Variants in RTL9 observed in about 807,000 individuals in gnomAD.
RTL9 encodes retrotransposon Gag-like protein 9.
In RTL9, 19 loss-of-function variants were observed where a neutral mutation model predicts 44.7. The observed-to-expected ratio is 0.42, with a 90% confidence interval of 0.30 to 0.62. RTL9 has a LOEUF of 0.62. Ranked by LOEUF, RTL9 falls within the 20% of genes least tolerant of loss-of-function variation. RTL9 has a pLI of 0.16. For synonymous variants in RTL9, 407 were observed against 398.9 expected, an observed-to-expected ratio of 1.02 and a Z score of -0.24; for missense variants, 1,105 against 1,080.6, an observed-to-expected ratio of 1.02 and a Z score of -0.32.
Position 110,364,527 on chromosome X carries a change from C to T in RTL9, c.-168+5611C>T, listed in dbSNP as rs181920850. On this transcript the variant is annotated intron_variant, in intron 1 of 2. Transcript: ENST00000520821. Reference sequence around the variant, plus strand: ...TTTGGTTTCCTAAGTAGATTTCCTACTGGGATTTATCAAGATGAATTAATA... The same window carrying T: ...TTTGGTTTCCTAAGTAGATTTCCTATTGGGATTTATCAAGATGAATTAATA... Among the ~76,000 whole-genome samples, 228 of 111,756 alleles carry T rather than the reference C, an allele frequency of 2.0e-3. 1 individual carries two copies. The highest frequency in any genetic ancestry group is 6.7e-3 in the African/African-American group (206 of 30,772).
At chrX:110,376,091 G>T (rs1353794463) in intron 1 of RTL9, among the ~76,000 whole-genome samples, 2 of 111,306 alleles carry the variant, frequency 1.8e-5, no homozygotes, top group Non-Finnish European at 3.8e-5. Context: ...ATGGTAAGGT[G>T]GTTTCAGAAC....
chrX:110,380,882 T>A (rs906490101), intron 1 of RTL9, among the ~76,000 whole-genome samples: 2 of 112,515 alleles, frequency 1.8e-5, no homozygotes, highest in Non-Finnish European at 3.8e-5. Context: ...CTGGGATAAC[T>A]GGCATATGCA....
intron 1 of RTL9, among the ~76,000 whole-genome samples, chrX:110,408,678 G>T (rs1164545481): frequency 3.6e-5 from 4 of 112,202 alleles, no homozygotes; most frequent in African/African-American, 1.3e-4. Flanking sequence ...CAACAATTGT[G>T]ATGTTGCTTT....
chrX:110,411,710 T>C (rs373781025), intron 1 of RTL9, among the ~76,000 whole-genome samples: 12 of 112,194 alleles, frequency 1.1e-4, no homozygotes, highest in African/African-American at 3.6e-4. Context: ...AAGACAATGG[T>C]TTATTATTCA....
At chrX:110,429,436 C>T (rs764234412) in intron 1 of RTL9, among the ~76,000 whole-genome samples, 1 of 108,860 alleles carries the variant, frequency 9.2e-6, no homozygotes, top group East Asian at 2.8e-4. Flanking sequence ...ATCTATAAAA[C>T]GATGATACTT....
At position 110,405,050 on chromosome X, in the gene RTL9, G is replaced by A. The variant is rs778620880; in HGVS notation, c.-167-40103G>A. 8.6e-5 allele frequency among the ~76,000 whole-genome samples: 9 copies of A among 104,495 alleles called. No homozygotes were observed. In the South Asian group the frequency reaches 4.0e-3, roughly 47 times the overall value. 90.7% of individuals were successfully genotyped at this position (104,495 alleles called of 115,157 possible). On this transcript the variant is annotated intron_variant, in intron 1 of 2. Coordinates refer to the RTL9 transcript ENST00000520821. ...GAGATTCAGAGATACGCTTTTGTCA[G>A]TTAAATTCGAAAAATATATTCAGGT...
At chrX:110,359,409 C>T (rs1341712238) in intron 1 of RTL9, among the ~76,000 whole-genome samples, 2 of 111,302 alleles carry the variant, frequency 1.8e-5, no homozygotes, top group African/African-American at 3.3e-5. Context: ...CTCTTTTCAT[C>T]TGCCAAATAT....
At chrX:110,409,665 C>T (rs2148307065) in intron 1 of RTL9, among the ~76,000 whole-genome samples, 1 of 109,864 alleles carries the variant, frequency 9.1e-6, no homozygotes, top group African/African-American at 3.3e-5. Flanking sequence ...TTTTCACTCC[C>T]CTGATCCCAT....
rs188346594 is a variant in RTL9 at position 110,405,132 on chromosome X, T to C, written c.-167-40021T>C. On this transcript the variant is annotated intron_variant, in intron 1 of 2. Coordinates refer to the RTL9 transcript ENST00000520821. ...TGAGTCAGAGCCTTTCATGGGGTTT[T>C]GTGTAAATGTATTTTCTAAGAGGTG... 4.2e-3 allele frequency among the ~76,000 whole-genome samples: 422 copies of C among 100,835 alleles called. 4 individuals are homozygous for C. Among genetic ancestry groups the C allele is most frequent in the Non-Finnish European group, 6.6e-3 (329 of 49,826 alleles). 87.6% of individuals were successfully genotyped at this position (100,835 alleles called of 115,157 possible). A position where few individuals can be genotyped will look rare whatever the true frequency, so the allele number is the denominator to read the frequency against.
chrX:110,364,762 T>C (rs1002865292), intron 1 of RTL9, among the ~76,000 whole-genome samples: 2 of 111,929 alleles, frequency 1.8e-5, no homozygotes, highest in Non-Finnish European at 3.8e-5. Flanking sequence ...TTACTATATA[T>C]GTGACCATAA....
chrX:110,385,043 G>T (rs991414170), intron 1 of RTL9, among the ~76,000 whole-genome samples: 10 of 111,125 alleles, frequency 9.0e-5, no homozygotes, highest in Non-Finnish European at 1.5e-4. Flanking sequence ...AATAACAAGT[G>T]TTGACTATTC....
At chrX:110,402,986 G>A (rs1461256356) in intron 1 of RTL9, among the ~76,000 whole-genome samples, 1 of 111,972 alleles carries the variant, frequency 8.9e-6, no homozygotes, top group Non-Finnish European at 1.9e-5. Context: ...CTGCTTGGCT[G>A]GTAGAGGATA....
At chrX:110,410,940 A>G (rs2068637800) in intron 1 of RTL9, among the ~76,000 whole-genome samples, 1 of 112,209 alleles carries the variant, frequency 8.9e-6, no homozygotes, top group East Asian at 2.8e-4. Context: ...TCTTTATTTA[A>G]AATTAGGCAC....
upstream of RTL9, among the ~76,000 whole-genome samples, chrX:110,448,231 C>A (rs984078361): frequency 2.7e-5 from 3 of 111,232 alleles, no homozygotes; most frequent in African/African-American, 9.8e-5. Context: ...TCCTCCCAAA[C>A]CCTCTTTCCC....
chrX:110,453,253 C>A, exon 1 of RTL9: 1 of 1,211,419 alleles, frequency 8.3e-7, no homozygotes, highest in Non-Finnish European at 1.1e-6. Flanking sequence ...ATGATGCCCA[C>A]AGCTTCTGGA....
intron 1 of RTL9, among the ~76,000 whole-genome samples, chrX:110,386,121 T>A (rs1044472231): frequency 1.8e-5 from 2 of 111,024 alleles, no homozygotes; most frequent in Non-Finnish European, 3.8e-5. Flanking sequence ...TAAAGATATG[T>A]TTTTAAATCT....
exon 1 of RTL9, chrX:110,452,624 G>C (rs748453288): frequency 1.7e-6 from 2 of 1,207,893 alleles, no homozygotes; most frequent in African/African-American, 1.8e-5. Flanking sequence ...TGTCTGCATC[G>C]CTAATGAGAG....
intron 1 of RTL9, among the ~76,000 whole-genome samples, chrX:110,441,109 C>G (rs2068876861): frequency 8.9e-6 from 1 of 112,124 alleles, no homozygotes. Context: ...TTTCCAATTC[C>G]AGCTCTGCCT....
Position 110,453,830 on chromosome X carries a change from A to G in RTL9, c.3213A>G (p.Thr1071=), listed in dbSNP as rs142196385. 19 of 1,209,694 alleles carry G rather than the reference A, an allele frequency of 1.6e-5. No homozygotes were observed. In the African/African-American group the frequency reaches 2.6e-4, roughly 17 times the overall value. The change falls in exon 1 of 2, where the codon ACA becomes ACG. Residue 1071 remains threonine, a synonymous_variant. Transcript: ENST00000540313. ...CCACAGACTCTAGAGGGATGTCCAC[A>G]CCACTAATGAGGGCCTCAGGCCCTG...
Sources: allele counts gnomAD v4.1 joint callset (sites outside exome capture counted in the v4.1 genomes callset), GRCh38; gene constraint gnomAD v4.1.1; transcripts MANE v1.5; gene names NCBI Gene and HGNC (gene_info 2026-07-23, HGNC 2026-07-21).